CACNA2D2: variants seen among roughly 807,000 people sequenced by gnomAD.
CACNA2D2 encodes voltage-dependent calcium channel subunit alpha-2/delta-2.
In CACNA2D2, 48 loss-of-function variants were observed where a neutral mutation model predicts 166.4. That is an observed-to-expected ratio of 0.29 (90% CI 0.23 to 0.37). The LOEUF (loss-of-function observed/expected upper bound fraction) is 0.37. Ranked by LOEUF, CACNA2D2 falls within the 10% of genes least tolerant of loss-of-function variation. CACNA2D2 has a pLI of 1.00. For synonymous variants in CACNA2D2, 561 were observed against 573.7 expected, an observed-to-expected ratio of 0.98 and a Z score of 0.32; for missense variants, 1,122 against 1,433.0, an observed-to-expected ratio of 0.78 and a Z score of 3.50.
Position 50,375,682 on chromosome 3 carries a change from C to G in CACNA2D2, c.1869G>C (p.Arg623=). 2.5e-6 allele frequency: 4 copies of G among 1,612,454 alleles called. No individual in the cohort carries two copies. Among genetic ancestry groups the G allele is most frequent in the Non-Finnish European group, 3.4e-6 (4 of 1,179,486 alleles). The part of the protein sequence containing the change: ...LDERYIDEVT[R]NYTWVPIRST... ...TCCTTATAGGCACCCAGGTGTAGTTCCGTGTCACCTCATCTATGTACCTCT... is the reference window on the plus strand; with the variant it reads ...TCCTTATAGGCACCCAGGTGTAGTTGCGTGTCACCTCATCTATGTACCTCT... The change falls in exon 21 of 38, where the codon CGG becomes CGC. Residue 623 remains arginine (R), a synonymous_variant. Coordinates refer to ENST00000424201, the MANE Select transcript of CACNA2D2 (RefSeq NM_006030.4). The surrounding 1 kb of genome is among the most constrained non-coding windows in gnomAD (Gnocchi z 4.0).
chr3:50,457,686 G>T (rs2106990273), intron 2 of CACNA2D2, among the ~76,000 whole-genome samples: 1 of 152,280 alleles, frequency 6.6e-6, no homozygotes, highest in South Asian at 2.1e-4. Flanking sequence ...CCTGAGGCTT[G>T]GTTTCATCAC....
At chr3:50,419,213 C>G (rs977790902) in intron 3 of CACNA2D2, among the ~76,000 whole-genome samples, 1 of 152,198 alleles carries the variant, frequency 6.6e-6, no homozygotes. Context: ...TGGGCTCCCT[C>G]TCTAAAACAG....
chr3:50,504,174 C>T (rs1367485944), upstream of CACNA2D2: 3 of 152,256 alleles, frequency 2.0e-5, no homozygotes, highest in Non-Finnish European at 4.4e-5. Context: ...AAGCGGAAAC[C>T]TGGGCACGGC....
At chr3:50,470,873 C>T (rs1710055632) in intron 2 of CACNA2D2, among the ~76,000 whole-genome samples, 1 of 152,148 alleles carries the variant, frequency 6.6e-6, no homozygotes. Flanking sequence ...AGCGGCCTCA[C>T]CACGTCTCAG....
chr3:50,503,787 C>T (rs1291688106), upstream of CACNA2D2, among the ~76,000 whole-genome samples: 1 of 151,564 alleles, frequency 6.6e-6, no homozygotes, highest in African/African-American at 2.4e-5. Flanking sequence ...CCGCGCGCCT[C>T]TCGTCCCCGC....
Position 50,380,999 on chromosome 3 carries a change from G to A in CACNA2D2, c.780C>T (p.Tyr260=), listed in dbSNP as rs772716062. The part of the protein sequence containing the change: ...FGSATGVTRY[Y]PATPWRAPKK... ...GGGACAGGGGCTGGTACCTACCCGG[G>A]TAGTAGCGAGTGACTCCTGTGGCGC... The change falls in exon 7 of 38, where the codon TAC becomes TAT. Residue 260 remains tyrosine, a synonymous_variant. Transcript: ENST00000424201. The surrounding 1 kb of genome is among the most constrained non-coding windows in gnomAD (Gnocchi z 4.9). 6.2e-7 allele frequency: 1 copy of A among 1,613,844 alleles called. No homozygotes were observed. Among genetic ancestry groups the A allele is most frequent in the East Asian group, 2.2e-5 (1 of 44,870 alleles).
intron 1 of CACNA2D2, among the ~76,000 whole-genome samples, chr3:50,494,366 C>T (rs1021223742): frequency 6.6e-6 from 1 of 152,104 alleles, no homozygotes; most frequent in African/African-American, 2.4e-5. Flanking sequence ...GAGGAGAACA[C>T]GGGCTGTGGA....
chr3:50,468,477 C>T (rs1299954832), intron 2 of CACNA2D2, among the ~76,000 whole-genome samples: 1 of 144,144 alleles, frequency 6.9e-6, no homozygotes, highest in African/African-American at 2.6e-5. Context: ...CCTTGCTGAT[C>T]CCCAAGATGG....
intron 2 of CACNA2D2, among the ~76,000 whole-genome samples, chr3:50,452,372 C>T (rs1260367565): frequency 6.6e-6 from 1 of 152,214 alleles, no homozygotes; most frequent in Non-Finnish European, 1.5e-5. Flanking sequence ...GGGAATGGAC[C>T]CTATCGGAGC....
chr3:50,474,585 AAAC>A (rs1166221281), intron 2 of CACNA2D2, among the ~76,000 whole-genome samples: 1 of 152,206 alleles, frequency 6.6e-6, no homozygotes, highest in Non-Finnish European at 1.5e-5. Context: ...AATATAAAAT[AAAC>A]AACATCTTCA....
At chr3:50,388,844 G>A (rs1705739483) in intron 4 of CACNA2D2, among the ~76,000 whole-genome samples, 1 of 152,214 alleles carries the variant, frequency 6.6e-6, no homozygotes, top group Non-Finnish European at 1.5e-5. Flanking sequence ...GCAGGCCACT[G>A]GCCAAATGTG....
intron 23 of CACNA2D2, 39 bp downstream of exon 23, chr3:50,370,281 G>A (rs1430075891): frequency 4.6e-6 from 7 of 1,506,686 alleles, no homozygotes; most frequent in East Asian, 2.4e-5. Context: ...GGCGGTCAGG[G>A]TAGGGGAGGA....
At chr3:50,384,166 T>C (rs1705467557) in intron 6 of CACNA2D2, 30 bp downstream of exon 6, 9 of 1,608,040 alleles carry the variant, frequency 5.6e-6, no homozygotes, top group Non-Finnish European at 7.7e-6. Context: ...GCAGGTGGGA[T>C]GGGCTGTCCC....
chr3:50,430,070 G>A (rs1707999680), intron 3 of CACNA2D2, among the ~76,000 whole-genome samples: 1 of 152,220 alleles, frequency 6.6e-6, no homozygotes, highest in South Asian at 2.1e-4. Context: ...GTGTCTCCAG[G>A]TGCTAGATTC....
At chr3:50,381,342 T>C (rs1035999498) in intron 6 of CACNA2D2, among the ~76,000 whole-genome samples, 1 of 151,938 alleles carries the variant, frequency 6.6e-6, no homozygotes, top group African/African-American at 2.4e-5. Flanking sequence ...AAAGGAACAG[T>C]TCAGCCTACT....
At chr3:50,384,098 C>T in intron 6 of CACNA2D2, 98 bp downstream of exon 6, 2 of 1,464,740 alleles carry the variant, frequency 1.4e-6, no homozygotes, top group Non-Finnish European at 1.9e-6. Context: ...AGGTAGATGG[C>T]ACTGGCCTTC....
At chr3:50,444,202 G>A (rs906632890) in intron 2 of CACNA2D2, among the ~76,000 whole-genome samples, 1 of 152,206 alleles carries the variant, frequency 6.6e-6, no homozygotes, top group Non-Finnish European at 1.5e-5. Context: ...CACCAGTCAG[G>A]CCCTGGGGGT....
At chr3:50,391,487 C>T (rs1422083362) in intron 4 of CACNA2D2, among the ~76,000 whole-genome samples, 1 of 152,228 alleles carries the variant, frequency 6.6e-6, no homozygotes, top group Non-Finnish European at 1.5e-5. Flanking sequence ...CACCTGCTGC[C>T]CACCTGTGGG....
intron 1 of CACNA2D2, among the ~76,000 whole-genome samples, chr3:50,492,113 C>T (rs994871554): frequency 7.9e-5 from 12 of 152,248 alleles, no homozygotes; most frequent in African/African-American, 1.4e-4. Context: ...TCACCCTCCC[C>T]GCAAGATGAG....
Sources: allele counts gnomAD v4.1 joint callset (sites outside exome capture counted in the v4.1 genomes callset), GRCh38; gene constraint gnomAD v4.1.1; non-coding constraint Gnocchi (gnomAD v3.1); transcripts MANE v1.5; gene names NCBI Gene and HGNC (gene_info 2026-07-23, HGNC 2026-07-21).